Variants in PAK3 observed in about 807,000 individuals in gnomAD.
PAK3 encodes p21 (RAC1) activated kinase 3.
Under a neutral mutation model 41.0 loss-of-function variants are expected in PAK3, and 4 were observed. The ratio of observed to expected loss-of-function variants is 0.10; its 90% CI spans 0.05 to 0.22. The LOEUF is 0.22. Ranked by LOEUF, PAK3 falls within the 10% of genes least tolerant of loss-of-function variation. PAK3 has a pLI of 1.00. For missense variants in PAK3, 205 were observed against 409.9 expected, an observed-to-expected ratio of 0.50 and a Z score of 4.32; for synonymous variants, 146 against 139.6, an observed-to-expected ratio of 1.05 and a Z score of -0.32.
chrX:111,127,315 T>C (rs2093660817), intron 5 of PAK3, among the ~76,000 whole-genome samples: 1 of 111,663 alleles, frequency 9.0e-6, no homozygotes, highest in Non-Finnish European at 1.9e-5. Context: ...TCTTTTTCAT[T>C]ACCTAACTGA....
At chrX:110,953,973 C>A (rs1049785564) in intron 1 of PAK3, among the ~76,000 whole-genome samples, 6 of 111,997 alleles carry the variant, frequency 5.4e-5, no homozygotes, top group Non-Finnish European at 1.1e-4. Flanking sequence ...TTTCAAATTT[C>A]TATTCCCTCT....
intron 1 of PAK3, among the ~76,000 whole-genome samples, chrX:111,075,414 GC>G (rs1285297743): frequency 8.9e-6 from 1 of 112,649 alleles, no homozygotes; most frequent in Non-Finnish European, 1.9e-5. Flanking sequence ...GGTTCAAAGG[GC>G]CCTAGATACA....
chrX:111,029,176 C>T (rs2092311159), intron 1 of PAK3, among the ~76,000 whole-genome samples: 1 of 111,646 alleles, frequency 9.0e-6, no homozygotes, highest in Non-Finnish European at 1.9e-5. Context: ...AAATAACGGC[C>T]TCTACCTTTG....
chrX:111,117,079 G>A (rs2093478057), intron 4 of PAK3, among the ~76,000 whole-genome samples: 1 of 111,533 alleles, frequency 9.0e-6, no homozygotes, highest in African/African-American at 3.3e-5. Context: ...TCCAAAACGA[G>A]GCCATCTAAG....
chrX:111,077,586 G>A (rs774027923), intron 1 of PAK3, among the ~76,000 whole-genome samples: 4 of 111,585 alleles, frequency 3.6e-5, no homozygotes, highest in East Asian at 2.8e-4. Flanking sequence ...TAAATGGTGC[G>A]GGCATAACTT....
intron 1 of PAK3, among the ~76,000 whole-genome samples, chrX:111,072,452 C>T (rs1371735012): frequency 8.9e-6 from 1 of 112,561 alleles, no homozygotes; most frequent in Non-Finnish European, 1.9e-5. Flanking sequence ...GTTTTAGCAA[C>T]AAACTTATGA....
Position 111,131,081 on chromosome X carries a change from G to T in PAK3, c.175+7803G>T, listed in dbSNP as rs968475563. Reference sequence around the variant, plus strand: ...GTTTTGTAAACAGGTTTCAGCCAATGGAATATGCAAAAATGGAATTTTTAC... The same window carrying T: ...GTTTTGTAAACAGGTTTCAGCCAATTGAATATGCAAAAATGGAATTTTTAC... On this transcript the variant is annotated intron_variant, in intron 5 of 17. Coordinates refer to ENST00000372007, the MANE Select transcript of PAK3 (RefSeq NM_002578.5). Among the ~76,000 whole-genome samples, 8 of 111,765 alleles carry T rather than the reference G, an allele frequency of 7.2e-5. 1 individual carries two copies. Among genetic ancestry groups the T allele is most frequent in the Admixed American group, 3.8e-4 (4 of 10,529 alleles).
chrX:111,199,631 G>A (rs1475294705), intron 16 of PAK3, among the ~76,000 whole-genome samples: 1 of 111,685 alleles, frequency 9.0e-6, no homozygotes, highest in African/African-American at 3.3e-5. Context: ...ACAACAGCTT[G>A]GTGGGTATTG....
chrX:111,128,896 G>T (rs1285712946), intron 5 of PAK3, among the ~76,000 whole-genome samples: 1 of 111,808 alleles, frequency 8.9e-6, no homozygotes, highest in African/African-American at 3.3e-5. Flanking sequence ...TTTTTTTGGT[G>T]TGTACTTTAT....
intron 5 of PAK3, among the ~76,000 whole-genome samples, chrX:111,132,454 AG>A (rs762519393): frequency 1.2e-4 from 13 of 110,856 alleles, no homozygotes; most frequent in Non-Finnish European, 2.3e-4. Flanking sequence ...GGGCAGGGTG[AG>A]GGGGACAAAG....
intron 5 of PAK3, 39 bp downstream of exon 5, chrX:111,123,317 T>C: frequency 9.3e-7 from 1 of 1,080,500 alleles, no homozygotes; most frequent in South Asian, 1.9e-5. Context: ...ATGGGCTAGT[T>C]TATTCTTTCA....
intron 1 of PAK3, among the ~76,000 whole-genome samples, chrX:110,966,907 C>T (rs1401047635): frequency 5.3e-5 from 6 of 112,191 alleles, no homozygotes; most frequent in Non-Finnish European, 9.4e-5. Flanking sequence ...TATGTCGGTA[C>T]TGCCTGCATG....
At chrX:111,137,282 T>C (rs1229557519) in intron 5 of PAK3, among the ~76,000 whole-genome samples, 1 of 111,350 alleles carries the variant, frequency 9.0e-6, no homozygotes, top group African/African-American at 3.3e-5. Context: ...TGAGAAAGGG[T>C]GAGCAGCCTC....
At chrX:111,079,178 A>G (rs976481993) in intron 1 of PAK3, among the ~76,000 whole-genome samples, 1 of 112,125 alleles carries the variant, frequency 8.9e-6, no homozygotes, top group Non-Finnish European at 1.9e-5. Context: ...TGGCTACACT[A>G]AACAATGAAT....
intron 1 of PAK3, among the ~76,000 whole-genome samples, chrX:111,081,503 A>G (rs1308726998): frequency 9.0e-6 from 1 of 110,638 alleles, no homozygotes; most frequent in Non-Finnish European, 1.9e-5. Flanking sequence ...AGACCCTGTC[A>G]CAGGGTCTCA....
intron 1 of PAK3, among the ~76,000 whole-genome samples, chrX:110,956,408 T>C (rs1406705396): frequency 9.0e-6 from 1 of 111,644 alleles, no homozygotes. Flanking sequence ...TGCTTTTCTA[T>C]ATCTGGACCA....
intron 1 of PAK3, among the ~76,000 whole-genome samples, chrX:111,070,113 AAAAC>A (rs377234261): frequency 3.9e-4 from 43 of 111,686 alleles, no homozygotes; most frequent in Non-Finnish European, 4.9e-4. Flanking sequence ...ATCCTGAGAC[AAAAC>A]AAACAAACAA....
chrX:110,991,090 C>T (rs1306409973), intron 1 of PAK3, among the ~76,000 whole-genome samples: 2 of 107,984 alleles, frequency 1.9e-5, no homozygotes, highest in African/African-American at 3.4e-5. Context: ...TGAGATTGCA[C>T]CACTGCACTC....
intron 1 of PAK3, among the ~76,000 whole-genome samples, chrX:110,997,118 G>A (rs1286977937): frequency 9.0e-6 from 1 of 111,306 alleles, no homozygotes; most frequent in African/African-American, 3.3e-5. Flanking sequence ...TATGTTTGAA[G>A]AACAGCAAGG....
Sources: allele counts gnomAD v4.1 joint callset (sites outside exome capture counted in the v4.1 genomes callset), GRCh38; gene constraint gnomAD v4.1.1; transcripts MANE v1.5; gene names NCBI Gene and HGNC (gene_info 2026-07-23, HGNC 2026-07-21).